The following WDR7 variants were observed in gnomAD, a reference collection of about 807,000 sequenced individuals.
WDR7 encodes WD repeat domain 7, also known as WD repeat-containing protein 7.
WDR7 carries 46 observed loss-of-function variants against 169.4 expected under a neutral mutation model. The ratio of observed to expected loss-of-function variants is 0.27; its 90% CI spans 0.21 to 0.35. The LOEUF is 0.35. Among genes scored for constraint, WDR7 ranks in the 10% least tolerant of loss-of-function variants. The pLI is 1.00. For synonymous variants in WDR7, 612 were observed against 666.8 expected, an observed-to-expected ratio of 0.92 and a Z score of 1.27; for missense variants, 1,534 against 1,859.3, an observed-to-expected ratio of 0.83 and a Z score of 3.22.
chr18:56,847,366 G>A (rs567834335), intron 20 of WDR7, among the ~76,000 whole-genome samples: 1 of 152,234 alleles, frequency 6.6e-6, no homozygotes, highest in South Asian at 2.1e-4. Context: ...TTAGATTCAG[G>A]AACAAATAAG....
chr18:56,915,102 CTT>C (rs2046607574), intron 21 of WDR7, among the ~76,000 whole-genome samples: 1 of 152,014 alleles, frequency 6.6e-6, no homozygotes, highest in African/African-American at 2.4e-5. Flanking sequence ...AAAGAAATGA[CTT>C]ATTTTTATGC....
At chr18:56,801,107 A>G (rs2044666294) in intron 19 of WDR7, among the ~76,000 whole-genome samples, 1 of 152,148 alleles carries the variant, frequency 6.6e-6, no homozygotes, top group African/African-American at 2.4e-5. Context: ...AAAAAGATTT[A>G]ATCTTTTTCC....
In WDR7 at chr18:56,757,040, T is replaced by C; in HGVS notation, c.2447T>C (p.Leu816Pro). The C allele has an allele frequency of 6.2e-7, 1 of 1,614,176 alleles. No homozygotes were observed. The highest frequency in any genetic ancestry group is 8.5e-7 in the Non-Finnish European group (1 of 1,180,026). ...CACGCCTGGGGTTTGAATGAAGTAC[T>C]GGATGAAGTTTGCCTGGATCGCCTT... ...CLHAWGLNEV[L>P]DEVCLDRLGM... The change falls in exon 15 of 28, where the codon CTG becomes CCG. Residue 816 changes from leucine to proline, a missense_variant. Physicochemically the swap from Leu to Pro is moderately conservative, Grantham distance 98. Transcript: ENST00000254442.
intron 20 of WDR7, among the ~76,000 whole-genome samples, chr18:56,822,948 C>T (rs564014625): frequency 1.3e-5 from 2 of 151,734 alleles, no homozygotes; most frequent in Admixed American, 6.6e-5. Context: ...GAGAAGAAAC[C>T]GTATATGAAA....
intron 14 of WDR7, among the ~76,000 whole-genome samples, chr18:56,756,196 G>T (rs1257020810): frequency 6.6e-6 from 1 of 152,126 alleles, no homozygotes; most frequent in Non-Finnish European, 1.5e-5. Flanking sequence ...TAAAGGATCA[G>T]GAGCCACGAT....
At chr18:56,666,201 C>CTTTTT (rs71169386) in intron 1 of WDR7, among the ~76,000 whole-genome samples, 5,629 of 100,932 alleles carry the variant, frequency 0.056, 743 homozygotes, top group East Asian at 0.17. Flanking sequence ...ATTCCTTCGT[C>CTTTTT]TTTTTTTTTT....
At chr18:56,744,226 G>A (rs1358459180) in intron 14 of WDR7, among the ~76,000 whole-genome samples, 1 of 137,716 alleles carries the variant, frequency 7.3e-6, no homozygotes, top group Non-Finnish European at 1.5e-5. Flanking sequence ...GTGACAGAGC[G>A]AGACTCCGTC....
intron 21 of WDR7, among the ~76,000 whole-genome samples, chr18:56,922,588 T>A (rs987289627): frequency 6.6e-6 from 1 of 152,184 alleles, no homozygotes; most frequent in African/African-American, 2.4e-5. Flanking sequence ...CTGCAGGAAT[T>A]GTTAATCTAC....
In WDR7 at chr18:57,020,738, A is replaced by G. The variant is rs767393422; in HGVS notation, c.4165-7A>G. 1.1e-5 allele frequency: 18 copies of G among 1,613,378 alleles called. No individual in the cohort carries two copies. Among genetic ancestry groups the G allele is most frequent in the Non-Finnish European group, 1.4e-5 (16 of 1,179,720 alleles). On this transcript the variant is annotated splice_polypyrimidine_tract_variant and splice_region_variant and intron_variant, in intron 26 of 27. Transcript: ENST00000254442. ...TTATCATTCATGATATCTGAATTTT[A>G]TTTTAGACAATCCATGGACACAAGG...
At chr18:56,906,885 GAA>G (rs548512644) in intron 21 of WDR7, among the ~76,000 whole-genome samples, 2 of 152,158 alleles carry the variant, frequency 1.3e-5, no homozygotes, top group African/African-American at 2.4e-5. Flanking sequence ...TTTGCATAAT[GAA>G]AAAGTCTAAG....
At chr18:56,848,289 C>A (rs915431054) in intron 20 of WDR7, among the ~76,000 whole-genome samples, 1 of 152,174 alleles carries the variant, frequency 6.6e-6, no homozygotes, top group African/African-American at 2.4e-5. Flanking sequence ...CCAATTTCTT[C>A]CTTTTGGAAT....
At chr18:56,720,459 A>G (rs957227259) in intron 13 of WDR7, among the ~76,000 whole-genome samples, 2 of 151,018 alleles carry the variant, frequency 1.3e-5, no homozygotes, top group Non-Finnish European at 2.9e-5. Context: ...AAAAATAAAC[A>G]AACAAAAAAA....
Position 56,780,763 on chromosome 18 carries a change from G to A in WDR7, c.3067-770G>A, listed in dbSNP as rs2044307807. On this transcript the variant is annotated intron_variant, in intron 18 of 27. Coordinates refer to ENST00000254442, the MANE Select transcript of WDR7 (RefSeq NM_015285.3). ...TGCAGTGAGCCGAGATCACGCCATG[G>A]CACTCCAGCCTGGTCAACAGGGCAA... Among the ~76,000 whole-genome samples the A allele has an allele frequency of 2.0e-5, 3 of 152,318 alleles. No individual in the cohort carries two copies. In the South Asian group the frequency reaches 6.2e-4, roughly 32 times the overall value.
chr18:56,763,479 G>C (rs79505980), intron 16 of WDR7, among the ~76,000 whole-genome samples: 11,489 of 152,178 alleles, frequency 0.075, 503 homozygotes, highest in Middle Eastern at 0.13. Context: ...TTTATAGTTT[G>C]TTAGGTACAA....
chr18:57,010,901 A>G (rs2048126364), intron 26 of WDR7, among the ~76,000 whole-genome samples: 1 of 152,186 alleles, frequency 6.6e-6, no homozygotes, highest in Non-Finnish European at 1.5e-5. Flanking sequence ...TCCTAAAATC[A>G]GTACCTATTT....
chr18:57,025,717 G>A (rs1257790456), intron 27 of WDR7, among the ~76,000 whole-genome samples: 1 of 152,156 alleles, frequency 6.6e-6, no homozygotes, highest in Non-Finnish European at 1.5e-5. Context: ...TGTCAGTGGA[G>A]CCTGCACACA....
intron 12 of WDR7, among the ~76,000 whole-genome samples, chr18:56,699,484 A>G (rs988907935): frequency 6.6e-6 from 1 of 152,250 alleles, no homozygotes; most frequent in Non-Finnish European, 1.5e-5. Flanking sequence ...AATATTTACC[A>G]AAAGTAATGA....
In WDR7 at chr18:56,923,984, A is replaced by C; in HGVS notation, c.3589A>C (p.Ile1197Leu). The C allele has an allele frequency of 6.2e-7, 1 of 1,611,848 alleles. No individual in the cohort carries two copies. Among genetic ancestry groups the C allele is most frequent in the Non-Finnish European group, 8.5e-7 (1 of 1,179,286 alleles). ...PSPKLPPHST[I>L]RRTAIDLIGR... ...CCCCAAACTTCCTCCACACAGCACT[A>C]TCCGAAGAACAGCCATTGATCTGAT... Residue 1197 changes from isoleucine (I) to leucine (L), a missense_variant, in exon 22 of 28, where the codon ATC (isoleucine) becomes CTC (leucine). By Grantham distance (5) the Ile-to-Leu change is conservative (BLOSUM62 2). Transcript: ENST00000254442.
intron 20 of WDR7, among the ~76,000 whole-genome samples, chr18:56,841,097 G>A (rs893532796): frequency 6.6e-6 from 1 of 152,066 alleles, no homozygotes; most frequent in Non-Finnish European, 1.5e-5. Flanking sequence ...GGAGGCTGAG[G>A]CATGAGAATC....
Sources: gnomAD v4.1 joint callset for allele counts (sites outside exome capture counted in the v4.1 genomes callset) on GRCh38, gnomAD v4.1.1 for gene constraint, MANE v1.5 for transcripts, NCBI Gene and HGNC (gene_info 2026-07-23, HGNC 2026-07-21) for gene names.